Variants in CARMIL2 observed in about 807,000 individuals in gnomAD.
The protein encoded by CARMIL2 is capping protein regulator and myosin 1 linker 2.
Under a neutral mutation model 173.3 loss-of-function variants are expected in CARMIL2, and 96 were observed. The ratio of observed to expected loss-of-function variants is 0.55; its 90% CI spans 0.47 to 0.66. The LOEUF (loss-of-function observed/expected upper bound fraction) is 0.66. Among genes scored for constraint, CARMIL2 ranks in the 30% least tolerant of loss-of-function variants. The probability of loss-of-function intolerance (pLI) is 0.00; values close to 1 mark genes in which losing one functional copy is unlikely to be tolerated. For synonymous variants in CARMIL2, 830 were observed against 817.1 expected, an observed-to-expected ratio of 1.02 and a Z score of -0.27; for missense variants, 1,771 against 1,906.7, an observed-to-expected ratio of 0.93 and a Z score of 1.33.
In CARMIL2 at chr16:67,652,108, A is replaced by G; in HGVS notation, c.2677-91A>G. ...TCTGTAATGTCTTCTGGGGTCATGTAGCCCAGGGCTATTTCAGGGTCCCCT... is the reference window on the plus strand; with the variant it reads ...TCTGTAATGTCTTCTGGGGTCATGTGGCCCAGGGCTATTTCAGGGTCCCCT... On this transcript the variant is annotated intron_variant, in intron 26 of 37. Coordinates refer to ENST00000334583, the MANE Select transcript of CARMIL2 (RefSeq NM_001013838.3). This position sits in a 1 kb window ranked among gnomAD's most constrained non-coding sequence, Gnocchi z 4.7. 6.3e-7 allele frequency: 1 copy of G among 1,598,052 alleles called. No individual in the cohort carries two copies. Among genetic ancestry groups the G allele is most frequent in the Non-Finnish European group, 8.6e-7 (1 of 1,169,404 alleles).
rs1016363069 is a variant in CARMIL2, at chr16:67,657,160, T to C, written c.4118-79T>C. 3 of 1,284,890 alleles carry C rather than the reference T, an allele frequency of 2.3e-6. No individual in the cohort carries two copies. In the African/African-American group the frequency reaches 4.4e-5, roughly 19 times the overall value. 79.6% of individuals were successfully genotyped at this position (1,284,890 alleles called of 1,614,324 possible). A position where few individuals can be genotyped will look rare whatever the true frequency, so the allele number is the denominator to read the frequency against. On this transcript the variant is annotated intron_variant, in intron 36 of 37. Transcript: ENST00000334583. This position sits in a 1 kb window ranked among gnomAD's most constrained non-coding sequence, Gnocchi z 4.5. ...TGTGTGAGTGCATGCTTATGTGCACTGGAGGTGGAAGAGAGGGGCAGGGGA... is the reference window on the plus strand; with the variant it reads ...TGTGTGAGTGCATGCTTATGTGCACCGGAGGTGGAAGAGAGGGGCAGGGGA...
rs2052723917 is a variant in CARMIL2 at position 67,651,592 on chromosome 16, C to T, written c.2427+78C>T. ...ATCCTTTAGTTTTAACTGTGATATC[C>T]CCTGACTCAATATTCTGTTGGAGTT... On this transcript the variant is annotated intron_variant, in intron 24 of 37. Transcript: ENST00000334583. This position sits in a 1 kb window ranked among gnomAD's most constrained non-coding sequence, Gnocchi z 4.2. The T allele has an allele frequency of 6.4e-7, 1 of 1,565,604 alleles. No homozygotes were observed. Among genetic ancestry groups the T allele is most frequent in the Non-Finnish European group, 8.7e-7 (1 of 1,155,396 alleles).
chr16:67,648,133 AG>A lies in CARMIL2; in HGVS notation c.1158del (p.Cys387AlafsTer7). 6.4e-7 allele frequency: 1 copy of A among 1,571,150 alleles called. No homozygotes were observed. Among genetic ancestry groups the A allele is most frequent in the Non-Finnish European group, 8.7e-7 (1 of 1,154,872 alleles). ...AGTDTALDTV[R>X]GCSVGGWMTG... ...CACCGACACTGCCCTGGACACTGTG[AG>A]GGGGTGCTCCGTGGGGGGATGGATG... On this transcript the variant is annotated frameshift_variant, in exon 14 of 38. Transcript: ENST00000334583. LOFTEE classifies it high-confidence loss of function. The surrounding 1 kb of genome is among the most constrained non-coding windows in gnomAD (Gnocchi z 6.1).
At position 67,649,576 on chromosome 16, in the gene CARMIL2, G is replaced by A. The variant is rs1178879747; in HGVS notation, c.1876G>A (p.Ala626Thr). The change falls in exon 20 of 38, where the codon GCC becomes ACC. Residue 626 changes from alanine to threonine, a missense_variant. Ala to Thr is a moderately conservative substitution (Grantham distance 58). Transcript: ENST00000334583. This position sits in a 1 kb window ranked among gnomAD's most constrained non-coding sequence, Gnocchi z 6.7. ...ISGNAMGDAG[A>T]KLLAKALRVN... ...CGGCAACGCCATGGGGGACGCGGGC[G>A]CCAAGTTGCTGGCCAAGGCGCTGCG... 1.9e-6 allele frequency: 3 copies of A among 1,601,034 alleles called. No individual in the cohort carries two copies. The highest frequency in any genetic ancestry group is 2.5e-6 in the Non-Finnish European group (3 of 1,179,384).
Position 67,656,556 on chromosome 16 carries a change from C to G in CARMIL2, c.3947C>G (p.Pro1316Arg). The change falls in exon 35 of 38, where the codon CCT becomes CGT. Residue 1316 changes from proline to arginine, a missense_variant. By Grantham distance (103) the Pro-to-Arg change is moderately radical (BLOSUM62 -2). Around this residue, in one of 3 missense-constraint regions of CARMIL2, gnomAD observed 817 missense variants for 903.5 expected, o/e 0.90. Transcript: ENST00000334583. Reference sequence around the variant, plus strand: ...CAGGATGGTCCAGGCCCTCCCTCCCCTGGTCAAAGCCCAAGTCCCTGCAGA... The same window carrying G: ...CAGGATGGTCCAGGCCCTCCCTCCCGTGGTCAAAGCCCAAGTCCCTGCAGA... ...GQQDGPGPPS[P>R]GQSPSPCRTS... 6.2e-7 allele frequency: 1 copy of G among 1,613,384 alleles called. No homozygotes were observed.
Position 67,654,876 on chromosome 16 carries a change from G to A in CARMIL2, c.3681G>A (p.Gly1227=), listed in dbSNP as rs2142950478. Residue 1227 remains glycine (G), a synonymous_variant, in exon 32 of 38, where the codon GGG becomes GGA. Transcript: ENST00000334583. ...GGATAGGCGTCAGCCGAGGCAGCGG[G>A]GGTGCCGAAGGCAAGAGGAAGCAAG... ...LQRIGVSRGS[G]GAEGKRKQSK... is the part of the protein sequence containing the mutation. The A allele has an allele frequency of 2.5e-6, 4 of 1,613,742 alleles. No homozygotes were observed. Among genetic ancestry groups the A allele is most frequent in the Non-Finnish European group, 3.4e-6 (4 of 1,179,888 alleles).
chr16:67,645,885 A>T, intron 3 of CARMIL2, 108 bp downstream of exon 3: 1 of 1,553,672 alleles, frequency 6.4e-7, no homozygotes, highest in East Asian at 2.2e-5. Context: ...ACTTTGCACC[A>T]GCACTGGGCT....
Position 67,648,956 on chromosome 16 carries a change from C to T in CARMIL2, c.1573C>T (p.Leu525=), listed in dbSNP as rs936441790. 1.9e-6 allele frequency: 3 copies of T among 1,609,640 alleles called. No homozygotes were observed. The Admixed American group carries it at 5.0e-5, about 27-fold the overall frequency. ...LVCDAGAVSS[L]DLADNGFGSD... is the part of the protein sequence containing the mutation. Reference sequence around the variant, plus strand: ...GTGCGACGCAGGCGCTGTGAGCTCCCTGGATCTGGCGGATAACGGTGAGGC... The same window carrying T: ...GTGCGACGCAGGCGCTGTGAGCTCCTTGGATCTGGCGGATAACGGTGAGGC... Residue 525 remains leucine (L), a synonymous_variant, in exon 17 of 38, where the codon CTG becomes TTG. Coordinates refer to ENST00000334583, the MANE Select transcript of CARMIL2 (RefSeq NM_001013838.3). The surrounding 1 kb of genome is among the most constrained non-coding windows in gnomAD (Gnocchi z 6.1).
Position 67,646,622 on chromosome 16 carries a change from C to CA in CARMIL2, c.467-91dup. 6.4e-7 allele frequency: 1 copy of CA among 1,571,178 alleles called. No individual in the cohort carries two copies. The highest frequency in any genetic ancestry group is 1.1e-5 in the South Asian group (1 of 90,118). ...AAACTGAACAGAGCCATTCAGGTCC[C>CA]AGCCACCACCTAGTCTGTGGGTCTG... On this transcript the variant is annotated intron_variant, in intron 6 of 37. Transcript: ENST00000334583. This position sits in a 1 kb window ranked among gnomAD's most constrained non-coding sequence, Gnocchi z 4.6.
chr16:67,655,650 G>A (rs1168175512), intron 32 of CARMIL2, among the ~76,000 whole-genome samples: 4 of 152,092 alleles, frequency 2.6e-5, no homozygotes, highest in East Asian at 1.9e-4. Flanking sequence ...TCCCTGCCTC[G>A]CTTCCAGTCT....
Position 67,654,487 on chromosome 16 carries a change from G to C in CARMIL2, c.3377G>C (p.Arg1126Pro), listed in dbSNP as rs756446842. 6.8e-6 allele frequency: 11 copies of C among 1,612,742 alleles called. No homozygotes were observed. In the South Asian group the frequency reaches 1.1e-4, roughly 16 times the overall value. ...GAGACCAGCCCTGGGGCAGCTCCCC[G>C]AACCCGAAAAACTACATTTGGCGAC... ...DLETSPGAAPRTRKTTFGDLL... is the reference protein window; with the variant it reads ...DLETSPGAAPPTRKTTFGDLL... The change falls in exon 31 of 38, where the codon CGA becomes CCA. Residue 1126 changes from arginine to proline, a missense_variant. This residue lies in a region of CARMIL2 where 817 missense variants were observed against 903.5 expected (regional missense o/e 0.90). Transcript: ENST00000334583.
rs2052757376 is a variant in CARMIL2 at position 67,652,947 on chromosome 16, C to T, written c.2885-72C>T. On this transcript the variant is annotated intron_variant, in intron 28 of 37. Transcript: ENST00000334583. The surrounding 1 kb of genome is among the most constrained non-coding windows in gnomAD (Gnocchi z 4.7). Reference sequence around the variant, plus strand: ...CTCCCCGCGCCCTGGGCGGGTCCCCCGCCGCCCTAGCGCCTCCGCCGCCAC... The same window carrying T: ...CTCCCCGCGCCCTGGGCGGGTCCCCTGCCGCCCTAGCGCCTCCGCCGCCAC... The T allele has an allele frequency of 6.7e-6, 5 of 748,662 alleles. No homozygotes were observed. The highest frequency in any genetic ancestry group is 1.9e-5 in the African/African-American group (1 of 51,464). The allele number at this position is 748,662 out of a possible 1,614,324, so 46.4% of individuals were successfully genotyped here.
Position 67,656,615 on chromosome 16 carries a change from G to A in CARMIL2, c.4006G>A (p.Glu1336Lys), listed in dbSNP as rs753358820. Reference protein sequence around the residue: ...SPSPDSLGLPEDPCLGPRNED... With the variant: ...SPSPDSLGLPKDPCLGPRNED... ...CTCCCCAGACAGCCTGGGCCTCCCA[G>A]AGGACCCTTGCTTGGGCCCCAGAAA... The change falls in exon 35 of 38, where the codon GAG (glutamate) becomes AAG (lysine). Residue 1336 changes from glutamate to lysine, a missense_variant. By Grantham distance (56) the Glu-to-Lys change is moderately conservative (BLOSUM62 1). Coordinates refer to ENST00000334583, the MANE Select transcript of CARMIL2 (RefSeq NM_001013838.3). 10 of 1,602,274 alleles carry A rather than the reference G, an allele frequency of 6.2e-6. No homozygotes were observed. The East Asian group carries it at 1.8e-4, about 29-fold the overall frequency.
At position 67,656,517 on chromosome 16, in the gene CARMIL2, G is replaced by C. The variant is rs779724796; in HGVS notation, c.3908G>C (p.Arg1303Pro). Residue 1303 changes from arginine to proline, a missense_variant, in exon 35 of 38, where the codon CGT (arginine) becomes CCT (proline). By Grantham distance (103) the Arg-to-Pro change is moderately radical. Around this residue, in one of 3 missense-constraint regions of CARMIL2, gnomAD observed 817 missense variants for 903.5 expected, o/e 0.90. Coordinates refer to ENST00000334583, the MANE Select transcript of CARMIL2 (RefSeq NM_001013838.3). ...CAGTTGAATGCGGAGCTCAGGAGCCGTGGTTGGGGCCAACAGGATGGTCCA... is the reference window on the plus strand; with the variant it reads ...CAGTTGAATGCGGAGCTCAGGAGCCCTGGTTGGGGCCAACAGGATGGTCCA... Reference protein sequence around the residue: ...GQQLNAELRSRGWGQQDGPGP... With the variant: ...GQQLNAELRSPGWGQQDGPGP... 6.2e-7 allele frequency: 1 copy of C among 1,613,418 alleles called. No individual in the cohort carries two copies. Among genetic ancestry groups the C allele is most frequent in the Non-Finnish European group, 8.5e-7 (1 of 1,179,818 alleles).
Position 67,651,056 on chromosome 16 carries a change from G to T in CARMIL2, c.2185-131G>T. 1 of 995,754 alleles carries T rather than the reference G, an allele frequency of 1.0e-6. No individual in the cohort carries two copies. The highest frequency in any genetic ancestry group is 1.5e-6 in the Non-Finnish European group (1 of 685,392). The allele number at this position is 995,754 out of a possible 1,614,324, so 61.7% of individuals were successfully genotyped here. On this transcript the variant is annotated intron_variant, in intron 22 of 37. Coordinates refer to ENST00000334583, the MANE Select transcript of CARMIL2 (RefSeq NM_001013838.3). The surrounding 1 kb of genome is among the most constrained non-coding windows in gnomAD (Gnocchi z 4.2). Reference sequence around the variant, plus strand: ...GTTCCTTCCCTCCTTGAACAGATAGGGTTCCAAAGTGGCTGGTCTAAGGGT... The same window carrying T: ...GTTCCTTCCCTCCTTGAACAGATAGTGTTCCAAAGTGGCTGGTCTAAGGGT...
Position 67,647,388 on chromosome 16 carries a change from G to A in CARMIL2, c.776+1G>A, listed in dbSNP as rs1315745560. On this transcript the variant is annotated splice_donor_variant, in intron 10 of 37. Transcript: ENST00000334583. LOFTEE classifies it high-confidence loss of function. Reference sequence around the variant, plus strand: ...TGCTGGAGACCTGCAGCCTGAGGGGGTGAGGGGGACAGGGCAGGGCTTGGA... The same window carrying A: ...TGCTGGAGACCTGCAGCCTGAGGGGATGAGGGGGACAGGGCAGGGCTTGGA... The A allele has an allele frequency of 1.9e-6, 3 of 1,575,048 alleles. No homozygotes were observed. Among genetic ancestry groups the A allele is most frequent in the Non-Finnish European group, 2.6e-6 (3 of 1,160,128 alleles).
Position 67,653,262 on chromosome 16 carries a change from C to A in CARMIL2, c.3120+8C>A. On this transcript the variant is annotated splice_region_variant and intron_variant, in intron 29 of 37. Coordinates refer to ENST00000334583, the MANE Select transcript of CARMIL2 (RefSeq NM_001013838.3). This position sits in a 1 kb window ranked among gnomAD's most constrained non-coding sequence, Gnocchi z 7.4. ...CCGCCGGGGGGCCCCCAGGTGAGCA[C>A]CCTTCCCCCACTCCGGAGCGCGTGG... 1.8e-6 allele frequency: 2 copies of A among 1,129,296 alleles called. No individual in the cohort carries two copies. The highest frequency in any genetic ancestry group is 2.2e-6 in the Non-Finnish European group (2 of 917,632). The allele number at this position is 1,129,296 out of a possible 1,614,324, so 70.0% of individuals were successfully genotyped here.
In CARMIL2 at chr16:67,648,128, C is replaced by T. The variant is rs766248723; in HGVS notation, c.1148C>T (p.Thr383Ile). 1 of 1,612,502 alleles carries T rather than the reference C, an allele frequency of 6.2e-7. No individual in the cohort carries two copies. Among genetic ancestry groups the T allele is most frequent in the Non-Finnish European group, 8.5e-7 (1 of 1,179,372 alleles). Residue 383 changes from threonine to isoleucine, a missense_variant, in exon 14 of 38, where the codon ACT becomes ATT. Around this residue, in one of 3 missense-constraint regions of CARMIL2, gnomAD observed 944 missense variants for 975.6 expected, o/e 0.97. Coordinates refer to ENST00000334583, the MANE Select transcript of CARMIL2 (RefSeq NM_001013838.3). The surrounding 1 kb of genome is among the most constrained non-coding windows in gnomAD (Gnocchi z 6.1). ...GCAGGCACCGACACTGCCCTGGACACTGTGAGGGGGTGCTCCGTGGGGGGA... is the reference window on the plus strand; with the variant it reads ...GCAGGCACCGACACTGCCCTGGACATTGTGAGGGGGTGCTCCGTGGGGGGA... ...NLAGTDTALD[T>I]VRGCSVGGWM...
At chr16:67,656,117 A>AT in intron 33 of CARMIL2, 50 bp downstream of exon 33, 1 of 1,611,234 alleles carries the variant, frequency 6.2e-7, no homozygotes, top group South Asian at 1.1e-5. Flanking sequence ...AGGTGTCCTT[A>AT]TAGACAGCCC....
Sources: gnomAD v4.1 joint callset for allele counts (sites outside exome capture counted in the v4.1 genomes callset) on GRCh38, gnomAD v4.1.1 for gene constraint, gnomAD v4.1.1 regional missense constraint, Gnocchi (gnomAD v3.1) non-coding constraint, MANE v1.5 for transcripts, NCBI Gene and HGNC (gene_info 2026-07-23, HGNC 2026-07-21) for gene names.